TJP2: variants seen among roughly 807,000 people sequenced by gnomAD.
TJP2 encodes Friedreich ataxia region gene X104 (tight junction protein ZO-2).
In TJP2, 91 loss-of-function variants were observed where a neutral mutation model predicts 133.1. The observed-to-expected ratio is 0.68, with a 90% confidence interval of 0.58 to 0.81. The LOEUF (loss-of-function observed/expected upper bound fraction) is 0.81, where lower values mean the gene tolerates loss of function less well. TJP2 is among the 40% of genes least tolerant of loss of function. The pLI is 0.00. For missense variants in TJP2, 1,541 were observed against 1,565.6 expected (o/e 0.98, Z 0.26); for synonymous variants, 592 against 583.4 (o/e 1.01, Z -0.21).
chr9:69,172,220 A>G (rs1270233065), upstream of TJP2, among the ~76,000 whole-genome samples: 1 of 152,252 alleles, frequency 6.6e-6, no homozygotes, highest in African/African-American at 2.4e-5. Context: ...GCCACCAGCA[A>G]AAAAGCTAAT....
intron 12 of TJP2, 31 bp downstream of exon 12, chr9:69,234,578 G>T: frequency 8.0e-7 from 1 of 1,250,412 alleles, no homozygotes; most frequent in Non-Finnish European, 1.2e-6. Flanking sequence ...AGTTTAGTTG[G>T]GGTGGGGGTG....
At chr9:69,128,516 A>G (rs1220635907) in intron 1 of TJP2, among the ~76,000 whole-genome samples, 1 of 131,634 alleles carries the variant, frequency 7.6e-6, no homozygotes, top group African/African-American at 2.9e-5. Flanking sequence ...TCATGTGCTT[A>G]TTAGACCATT....
intron 7 of TJP2, 115 bp from the exon 8 acceptor site, chr9:69,227,650 T>C (rs983161758): frequency 3.4e-5 from 25 of 733,044 alleles, no homozygotes; most frequent in South Asian, 9.0e-5. Flanking sequence ...GCACATTTCC[T>C]GCCTACCTCG....
At chr9:69,199,700 G>A (rs1006210269) in intron 1 of TJP2, among the ~76,000 whole-genome samples, 1 of 152,188 alleles carries the variant, frequency 6.6e-6, no homozygotes. Flanking sequence ...GTCTTACTTT[G>A]TCTTTCCTTC....
Position 69,236,058 on chromosome 9 carries a change from G to T in TJP2, c.1811G>T (p.Gly604Val). The T allele has an allele frequency of 6.2e-7, 1 of 1,614,118 alleles. No individual in the cohort carries two copies. Among genetic ancestry groups the T allele is most frequent in the Non-Finnish European group, 8.5e-7 (1 of 1,180,024 alleles). ...AGAGACATCCTGGCTTGTGGCAGAG[G>T]GGATTCGTTTTTTATAAGAAGCCAC... ...VYRDILACGR[G>V]DSFFIRSHFE... The change falls in exon 13 of 23, where the codon GGG becomes GTG. Residue 604 changes from glycine (G) to valine (V), a missense_variant. Transcript: ENST00000377245.
intron 4 of TJP2, chr9:69,218,573 T>G: frequency 3.4e-6 from 2 of 582,220 alleles, no homozygotes; most frequent in Non-Finnish European, 6.2e-6. Context: ...GATTCTCTGA[T>G]CTGAGTTAGT....
chr9:69,181,625 G>T (rs1825519800), intron 1 of TJP2, among the ~76,000 whole-genome samples: 1 of 152,132 alleles, frequency 6.6e-6, no homozygotes, highest in African/African-American at 2.4e-5. Context: ...AGATTCTGAA[G>T]GTTTTGAAGT....
chr9:69,174,012 T>TGCC (rs921504375), upstream of TJP2: 26 of 984,636 alleles, frequency 2.6e-5, no homozygotes, highest in East Asian at 5.7e-4. Context: ...GGGCTTCTCC[T>TGCC]GCCGCCGCCG....
chr9:69,248,647 C>G, intron 19 of TJP2: 1 of 1,067,438 alleles, frequency 9.4e-7, no homozygotes, highest in Non-Finnish European at 1.1e-6. Flanking sequence ...TGCCAAAGCT[C>G]TTGAGTGTTT....
intron 2 of TJP2, among the ~76,000 whole-genome samples, chr9:69,169,091 C>T (rs1267173407): frequency 2.0e-5 from 3 of 152,114 alleles, no homozygotes; most frequent in African/African-American, 4.8e-5. Context: ...GTCCTTCTGG[C>T]GGAGTTTTAG....
intron 1 of TJP2, among the ~76,000 whole-genome samples, chr9:69,147,682 C>T (rs1823274263): frequency 6.6e-6 from 1 of 152,152 alleles, no homozygotes; most frequent in East Asian, 1.9e-4. Context: ...GAATAAGTAC[C>T]CTAAATAGAC....
chr9:69,159,108 C>T (rs1384312298), intron 2 of TJP2, among the ~76,000 whole-genome samples: 1 of 151,686 alleles, frequency 6.6e-6, no homozygotes, highest in Non-Finnish European at 1.5e-5. Flanking sequence ...AGTTCGAGAC[C>T]AACCTGGGCA....
At chr9:69,131,550 G>A (rs1367472817) in intron 1 of TJP2, among the ~76,000 whole-genome samples, 2 of 152,166 alleles carry the variant, frequency 1.3e-5, no homozygotes, top group Non-Finnish European at 2.9e-5. Context: ...CTTGGGTTTC[G>A]GAAAGAGGCC....
At chr9:69,130,777 A>C (rs1822461767) in intron 1 of TJP2, among the ~76,000 whole-genome samples, 1 of 152,156 alleles carries the variant, frequency 6.6e-6, no homozygotes, top group Non-Finnish European at 1.5e-5. Flanking sequence ...GCTGCGAGGA[A>C]GAACAGAGCT....
intron 1 of TJP2, among the ~76,000 whole-genome samples, chr9:69,207,536 AT>A (rs1827529589): frequency 6.6e-6 from 1 of 152,162 alleles, no homozygotes; most frequent in Non-Finnish European, 1.5e-5. Context: ...GTCCTTGTGC[AT>A]TTAGTCACAC....
At chr9:69,209,023 T>G (rs1005513260) in intron 1 of TJP2, among the ~76,000 whole-genome samples, 1 of 152,214 alleles carries the variant, frequency 6.6e-6, no homozygotes, top group African/African-American at 2.4e-5. Context: ...TTAGTTTTAC[T>G]AAGGCCACAT....
chr9:69,207,494 G>A (rs1342215890), intron 1 of TJP2, among the ~76,000 whole-genome samples: 1 of 152,172 alleles, frequency 6.6e-6, no homozygotes. Context: ...TGGCTGTTGG[G>A]AACATTGCTG....
chr9:69,148,530 C>G (rs1180421166), intron 1 of TJP2, among the ~76,000 whole-genome samples: 12 of 41,896 alleles, frequency 2.9e-4, no homozygotes, highest in Admixed American at 2.1e-3. Context: ...ACCACCATGC[C>G]TAGCTATTTT....
chr9:69,234,389 T>G, intron 11 of TJP2, 50 bp from the exon 12 acceptor site: 1 of 1,341,614 alleles, frequency 7.5e-7, no homozygotes, highest in Non-Finnish European at 1.0e-6. Context: ...TTTCTTTCTT[T>G]CTTTCTTTCT....
Sources: allele counts gnomAD v4.1 joint callset (sites outside exome capture counted in the v4.1 genomes callset), GRCh38; gene constraint gnomAD v4.1.1; transcripts MANE v1.5; gene names NCBI Gene and HGNC (gene_info 2026-07-23, HGNC 2026-07-21).